CTNNA3: variants seen among roughly 807,000 people sequenced by gnomAD.
CTNNA3 encodes catenin alpha-3.
Under a neutral mutation model 95.7 loss-of-function variants are expected in CTNNA3, and 76 were observed. The ratio of observed to expected loss-of-function variants is 0.79; its 90% CI spans 0.66 to 0.96. The LOEUF is 0.96. Ranked by LOEUF, CTNNA3 falls within the 40% of genes least tolerant of loss-of-function variation. The pLI is 0.00. For synonymous variants in CTNNA3, 431 were observed against 374.4 expected, an observed-to-expected ratio of 1.15 and a Z score of -1.74; for missense variants, 1,191 against 1,089.8, an observed-to-expected ratio of 1.09 and a Z score of -1.31.
chr10:66,149,746 T>C (rs2084091736), intron 13 of CTNNA3, among the ~76,000 whole-genome samples: 2 of 150,876 alleles, frequency 1.3e-5, no homozygotes, highest in African/African-American at 2.4e-5. Flanking sequence ...TTTCAGATTA[T>C]TAAAATTACA....
chr10:67,169,926 CA>C (rs1191832679), intron 7 of CTNNA3, among the ~76,000 whole-genome samples: 2 of 151,884 alleles, frequency 1.3e-5, no homozygotes, highest in African/African-American at 4.8e-5. Context: ...AACAAATTGA[CA>C]AAAGAAAAAC....
chr10:67,468,297 C>T (rs951563220), intron 5 of CTNNA3, among the ~76,000 whole-genome samples: 3 of 151,430 alleles, frequency 2.0e-5, no homozygotes, highest in Admixed American at 6.6e-5. Context: ...AGGAGGCTGA[C>T]GGGGGAGGAT....
At chr10:66,926,473 T>G in intron 7 of CTNNA3, 2 of 1,272,130 alleles carry the variant, frequency 1.6e-6, no homozygotes, top group Non-Finnish European at 2.2e-6. Flanking sequence ...TTTTTCTTCC[T>G]GGGTGTCAGC....
chr10:67,091,806 G>A (rs1023135517), intron 7 of CTNNA3, among the ~76,000 whole-genome samples: 56 of 152,100 alleles, frequency 3.7e-4, no homozygotes, highest in African/African-American at 1.3e-3. Flanking sequence ...AGATTAAGCT[G>A]ACTTAATCTA....
chr10:66,284,564 A>G (rs1230105646), intron 12 of CTNNA3, among the ~76,000 whole-genome samples: 2 of 151,902 alleles, frequency 1.3e-5, no homozygotes, highest in Non-Finnish European at 2.9e-5. Context: ...GTCTGGTAGT[A>G]GCCCAAAAAT....
chr10:66,858,477 A>G (rs1268259264), intron 7 of CTNNA3, among the ~76,000 whole-genome samples: 1 of 151,986 alleles, frequency 6.6e-6, no homozygotes, highest in Non-Finnish European at 1.5e-5. Flanking sequence ...TAGGAATAGT[A>G]CCCGCTTTTT....
intron 5 of CTNNA3, among the ~76,000 whole-genome samples, chr10:67,330,143 T>G (rs544346224): frequency 1.3e-5 from 2 of 152,222 alleles, no homozygotes; most frequent in African/African-American, 4.8e-5. Context: ...CTGGGAGGTA[T>G]AGCTGCTATT....
At chr10:67,294,533 T>G (rs986853858) in intron 5 of CTNNA3, among the ~76,000 whole-genome samples, 3 of 152,160 alleles carry the variant, frequency 2.0e-5, no homozygotes, top group East Asian at 1.9e-4. Flanking sequence ...AGAAGAAGAA[T>G]AATGACTACA....
chr10:66,487,314 G>A (rs1215889448), intron 11 of CTNNA3, among the ~76,000 whole-genome samples: 2 of 144,776 alleles, frequency 1.4e-5, no homozygotes, highest in African/African-American at 5.1e-5. Flanking sequence ...CTGTTCTCCT[G>A]CCTCAGCCTC....
At chr10:66,736,860 T>G (rs1006752724) in intron 9 of CTNNA3, among the ~76,000 whole-genome samples, 2 of 152,154 alleles carry the variant, frequency 1.3e-5, no homozygotes, top group Non-Finnish European at 2.9e-5. Flanking sequence ...ATGTGATATT[T>G]TAAAATCACA....
intron 15 of CTNNA3, among the ~76,000 whole-genome samples, chr10:66,005,591 A>G (rs1050547627): frequency 1.3e-5 from 2 of 152,076 alleles, no homozygotes; most frequent in Non-Finnish European, 2.9e-5. Flanking sequence ...AAGACACTTT[A>G]TGTGTCTGGT....
chr10:66,873,102 C>A (rs117651756), intron 7 of CTNNA3, among the ~76,000 whole-genome samples: 2 of 152,136 alleles, frequency 1.3e-5, no homozygotes, highest in Admixed American at 6.6e-5. Context: ...ACCATGGATG[C>A]ACACCTAGGT....
chr10:66,243,415 C>G (rs2090183193), intron 13 of CTNNA3, among the ~76,000 whole-genome samples: 1 of 152,164 alleles, frequency 6.6e-6, no homozygotes, highest in Non-Finnish European at 1.5e-5. Context: ...AGCCTGCTAC[C>G]TGGAAACTTC....
At chr10:66,508,874 T>A (rs968044272) in intron 11 of CTNNA3, among the ~76,000 whole-genome samples, 11 of 152,134 alleles carry the variant, frequency 7.2e-5, no homozygotes, top group Non-Finnish European at 2.9e-5. Flanking sequence ...TTTAATACAA[T>A]GATTTCCCTT....
intron 11 of CTNNA3, among the ~76,000 whole-genome samples, chr10:66,421,490 T>C (rs2093192619): frequency 6.6e-6 from 1 of 152,170 alleles, no homozygotes; most frequent in South Asian, 2.1e-4. Flanking sequence ...GTGTATTCCA[T>C]GCATGTAACA....
intron 7 of CTNNA3, among the ~76,000 whole-genome samples, chr10:66,933,098 T>C (rs1321405910): frequency 6.6e-6 from 1 of 152,206 alleles, no homozygotes; most frequent in Non-Finnish European, 1.5e-5. Flanking sequence ...ACCTCTTCTT[T>C]TCAAAAAGCC....
chr10:67,017,625 T>C (rs141801908), intron 7 of CTNNA3, among the ~76,000 whole-genome samples: 12 of 152,330 alleles, frequency 7.9e-5, no homozygotes, highest in African/African-American at 2.9e-4. Context: ...GCCATAGTTC[T>C]AATGTTTGGA....
At chr10:67,623,781 G>A (rs1460609275) in intron 2 of CTNNA3, among the ~76,000 whole-genome samples, 1 of 152,002 alleles carries the variant, frequency 6.6e-6, no homozygotes, top group Non-Finnish European at 1.5e-5. Flanking sequence ...GGAGACCAGA[G>A]AATTTCACCC....
chr10:66,498,994 C>T (rs747686826), intron 11 of CTNNA3, among the ~76,000 whole-genome samples: 5 of 152,156 alleles, frequency 3.3e-5, no homozygotes, highest in Non-Finnish European at 7.4e-5. Flanking sequence ...GTTTATTAGG[C>T]ATCTGCGGTA....
Sources: allele counts gnomAD v4.1 joint callset (sites outside exome capture counted in the v4.1 genomes callset), GRCh38; gene constraint gnomAD v4.1.1; transcripts MANE v1.5; gene names NCBI Gene and HGNC (gene_info 2026-07-23, HGNC 2026-07-21).